The following COL18A1 variants were observed in gnomAD, a reference collection of about 807,000 sequenced individuals.
The protein encoded by COL18A1 is collagen type XVIII alpha 1 chain, also known as collagen alpha-1(XVIII) chain.
COL18A1 carries 133 observed loss-of-function variants against 168.0 expected under a neutral mutation model. That is an observed-to-expected ratio of 0.79 (90% CI 0.69 to 0.91). COL18A1 has a LOEUF of 0.91. COL18A1 is among the 40% of genes least tolerant of loss of function. COL18A1 has a pLI of 0.00. For synonymous variants in COL18A1, 949 were observed against 809.0 expected (o/e 1.17, Z -2.94); for missense variants, 2,126 against 1,925.4 (o/e 1.10, Z -1.95).
At chr21:45,485,921 G>C (rs568559220) in intron 15 of COL18A1, among the ~76,000 whole-genome samples, 107 of 152,326 alleles carry the variant, frequency 7.0e-4, no homozygotes, top group African/African-American at 2.4e-3. Context: ...GCTCTGTCCC[G>C]AGCCTGGGAA....
chr21:45,494,778 G>C, intron 27 of COL18A1, 84 bp from the exon 28 acceptor site: 1 of 1,337,192 alleles, frequency 7.5e-7, no homozygotes, highest in Non-Finnish European at 1.1e-6. Flanking sequence ...GCTCTGCATG[G>C]CCCCTCCCCT....
rs756824954 is a variant in COL18A1, at chr21:45,489,506, G to A, written c.1944G>A (p.Gly648=). The A allele has an allele frequency of 6.2e-7, 1 of 1,603,240 alleles. No homozygotes were observed. The highest frequency in any genetic ancestry group is 8.5e-7 in the Non-Finnish European group (1 of 1,174,892). ...CTTAGGGGGATCCTGGCGTGCCTGG[G>A]CTGCCGGGGGCGAAGGTAAGCGCTG... ...PGLKGDPGVP[G]LPGAKGEVGA... is the part of the protein sequence containing the mutation. Residue 648 remains glycine (G), a synonymous_variant, in exon 19 of 42, where the codon GGG becomes GGA. Transcript: ENST00000651438.
At chr21:45,453,946 C>G (rs1326194790) in intron 2 of COL18A1, among the ~76,000 whole-genome samples, 1 of 152,156 alleles carries the variant, frequency 6.6e-6, no homozygotes, top group Non-Finnish European at 1.5e-5. Flanking sequence ...TGGGGGTGTC[C>G]CCCACAACAG....
At chr21:45,440,528 T>C (rs866204803) in intron 2 of COL18A1, among the ~76,000 whole-genome samples, 100 of 148,382 alleles carry the variant, frequency 6.7e-4, no homozygotes, top group African/African-American at 2.3e-3. Context: ...CGGGGCCTGC[T>C]GGGGTTTGAG....
intron 2 of COL18A1, among the ~76,000 whole-genome samples, chr21:45,431,725 G>T (rs893995494): frequency 6.6e-6 from 1 of 152,118 alleles, no homozygotes; most frequent in African/African-American, 2.4e-5. Flanking sequence ...CTGGCTCTCT[G>T]CGGCTCTCGG....
At position 45,509,831 on chromosome 21, in the gene COL18A1, G is replaced by A. The variant is rs116463079; in HGVS notation, c.3495+230G>A. ...GCTGTCACATCCTTGAGGAACCGGC[G>A]TACCTCCGCCTACAGCGGCAGCTGG... On this transcript the variant is annotated intron_variant, in intron 39 of 41. Coordinates refer to ENST00000651438, the MANE Select transcript of COL18A1 (RefSeq NM_001379500.1). Among the ~76,000 whole-genome samples, 2,401 of 152,304 alleles carry A rather than the reference G, an allele frequency of 0.016. 63 individuals carry two copies. Among genetic ancestry groups the A allele is most frequent in the African/African-American group, 0.055 (2,277 of 41,572 alleles).
chr21:45,494,718 G>C (rs891778481), intron 27 of COL18A1, 144 bp from the exon 28 acceptor site: 2 of 1,355,424 alleles, frequency 1.5e-6, no homozygotes, highest in Non-Finnish European at 2.1e-6. Flanking sequence ...AGGTGTCGGC[G>C]TGAGGCTGCA....
chr21:45,488,422 C>T lies in COL18A1; in HGVS notation c.1901C>T (p.Pro634Leu), dbSNP rs1232464269. 1.9e-6 allele frequency: 3 copies of T among 1,613,790 alleles called. No individual in the cohort carries two copies. Among genetic ancestry groups the T allele is most frequent in the African/African-American group, 2.7e-5 (2 of 74,928 alleles). ...GTGTCTCCTCTGCCCTGACAGGGAC[C>T]TCCCGGCCTGCCGGGACTTAAGGTC... The part of the protein sequence containing the change: ...TARSADGPQG[P>L]PGLPGLKGDP... Residue 634 changes from proline to leucine, a missense_variant, in exon 18 of 42, where the codon CCT becomes CTT. Pro to Leu is a moderately conservative substitution (Grantham distance 98). Transcript: ENST00000651438.
rs1354684499 is a variant in COL18A1 at position 45,425,494 on chromosome 21, A to G, written c.106+20021A>G. Among the ~76,000 whole-genome samples the G allele has an allele frequency of 6.6e-6, 1 of 152,166 alleles. No homozygotes were observed. Among genetic ancestry groups the G allele is most frequent in the Admixed American group, 6.5e-5 (1 of 15,286 alleles). ...TGGCCCAAGGCCTCTGAAAACCGTC[A>G]CGGCAGGGGTCACAACCCCACTCAC... On this transcript the variant is annotated intron_variant, in intron 2 of 41. Transcript: ENST00000651438. The surrounding 1 kb of genome is among the most constrained non-coding windows in gnomAD (Gnocchi z 4.1).
chr21:45,410,423 C>A (rs531245998), intron 2 of COL18A1, among the ~76,000 whole-genome samples: 1 of 8,828 alleles, frequency 1.1e-4, no homozygotes, highest in East Asian at 3.3e-3. Context: ...GGTGGGGGGT[C>A]AAGGGCTGAC....
intron 31 of COL18A1, 49 bp downstream of exon 31, chr21:45,497,141 TCCAGAGCCCCAC>T: frequency 8.3e-7 from 1 of 1,200,166 alleles, no homozygotes; most frequent in Non-Finnish European, 1.2e-6. Context: ...GAAGGGATGC[TCCAGAGCCCCAC>T]CTTCCTTCCC....
intron 2 of COL18A1, among the ~76,000 whole-genome samples, chr21:45,429,193 G>T (rs1027592733): frequency 5.3e-5 from 8 of 151,878 alleles, no homozygotes; most frequent in African/African-American, 1.9e-4. Flanking sequence ...GAGCCACCGC[G>T]CCCAGCCGAG....
At chr21:45,407,131 C>T (rs937639626) in intron 2 of COL18A1, among the ~76,000 whole-genome samples, 2 of 152,246 alleles carry the variant, frequency 1.3e-5, no homozygotes, top group African/African-American at 4.8e-5. Flanking sequence ...CACCCGCAGC[C>T]CGGGTTCCAG....
intron 38 of COL18A1, among the ~76,000 whole-genome samples, chr21:45,507,928 A>G (rs187955517): frequency 6.0e-4 from 91 of 152,332 alleles, no homozygotes; most frequent in Non-Finnish European, 3.2e-4. Context: ...TCCCTCACCC[A>G]AAGTGCCAGA....
At chr21:45,429,898 G>C (rs2033905708) in intron 2 of COL18A1, among the ~76,000 whole-genome samples, 1 of 151,924 alleles carries the variant, frequency 6.6e-6, no homozygotes, top group African/African-American at 2.4e-5. Flanking sequence ...TGTGAAGCGG[G>C]GTCATGGTTT....
At chr21:45,493,750 G>T in intron 26 of COL18A1, 175 bp downstream of exon 26, 1 of 610,386 alleles carries the variant, frequency 1.6e-6, no homozygotes, top group South Asian at 2.0e-5. Context: ...CATGTCGGCG[G>T]TTCCGCCGGC....
intron 2 of COL18A1, among the ~76,000 whole-genome samples, chr21:45,417,573 C>T (rs1473875020): frequency 2.0e-5 from 3 of 152,366 alleles, no homozygotes; most frequent in Non-Finnish European, 2.9e-5. Context: ...TCTAGGACCG[C>T]GGTCTCTCTG....
chr21:45,432,013 A>G (rs965935325), intron 2 of COL18A1, among the ~76,000 whole-genome samples: 1 of 152,206 alleles, frequency 6.6e-6, no homozygotes, highest in African/African-American at 2.4e-5. Context: ...TATTAAGCCC[A>G]TGGAGACCCT....
At chr21:45,459,439 C>A (rs913214337) in intron 2 of COL18A1, among the ~76,000 whole-genome samples, 3 of 152,198 alleles carry the variant, frequency 2.0e-5, no homozygotes, top group Admixed American at 2.0e-4. Flanking sequence ...GGAGTATGTG[C>A]CCCTGAGGGG....
Sources: gnomAD v4.1 joint callset for allele counts (sites outside exome capture counted in the v4.1 genomes callset) on GRCh38, gnomAD v4.1.1 for gene constraint, Gnocchi (gnomAD v3.1) non-coding constraint, MANE v1.5 for transcripts, NCBI Gene and HGNC (gene_info 2026-07-23, HGNC 2026-07-21) for gene names.